The following NRG3 variants were observed in gnomAD, a reference collection of about 807,000 sequenced individuals.
NRG3 encodes neuregulin 3, also known as pro-neuregulin-3, membrane-bound isoform.
In NRG3, 31 loss-of-function variants were observed where a neutral mutation model predicts 66.9. The ratio of observed to expected loss-of-function variants is 0.46; its 90% CI spans 0.35 to 0.63. The LOEUF is 0.63. Among genes scored for constraint, NRG3 ranks in the 20% least tolerant of loss-of-function variants. The probability of loss-of-function intolerance (pLI) is 0.00; values close to 1 mark genes in which losing one functional copy is unlikely to be tolerated. For synonymous variants in NRG3, 393 were observed against 359.4 expected (o/e 1.09, Z -1.06); for missense variants, 910 against 878.9 (o/e 1.04, Z -0.45).
At chr10:82,204,813 A>G (rs1033488285) in intron 1 of NRG3, among the ~76,000 whole-genome samples, 2 of 152,190 alleles carry the variant, frequency 1.3e-5, no homozygotes, top group African/African-American at 2.4e-5. Context: ...TGAAGTGGCT[A>G]TTTAAGCTCC....
chr10:82,555,335 G>T (rs1464055969), intron 2 of NRG3, among the ~76,000 whole-genome samples: 1 of 152,118 alleles, frequency 6.6e-6, no homozygotes, highest in Non-Finnish European at 1.5e-5. Flanking sequence ...CAAAAGAGCA[G>T]AACATTGCTG....
chr10:82,934,182 G>A (rs1008710157), intron 4 of NRG3, among the ~76,000 whole-genome samples: 2 of 152,214 alleles, frequency 1.3e-5, no homozygotes, highest in African/African-American at 4.8e-5. Flanking sequence ...CTCTAAACAT[G>A]AATGGGCATG....
chr10:82,871,481 T>C (rs527535926), intron 4 of NRG3, among the ~76,000 whole-genome samples: 1 of 152,270 alleles, frequency 6.6e-6, no homozygotes, highest in South Asian at 2.1e-4. Flanking sequence ...TTATTGGAAT[T>C]GCATTAAATC....
intron 3 of NRG3, among the ~76,000 whole-genome samples, chr10:82,779,834 A>G (rs1591498811): frequency 6.6e-6 from 1 of 151,936 alleles, no homozygotes; most frequent in East Asian, 1.9e-4. Flanking sequence ...ATCAACAGTC[A>G]TCTACATTAG....
rs1241268590 is a variant in NRG3 at position 82,986,927 on chromosome 10, A to G, written c.*1322A>G. ...TTGTTGAAATAAAAATACCCAGACT[A>G]TTCAGTTCACAAGAAGCCCCCCAAA... is the stretch of plus-strand genomic sequence containing the variant. On this transcript the variant is annotated 3_prime_UTR_variant, in exon 9 of 9. Transcript: ENST00000372141. The G allele has an allele frequency of 6.6e-6, 1 of 152,236 alleles. No individual in the cohort carries two copies. Among genetic ancestry groups the G allele is most frequent in the Non-Finnish European group, 1.5e-5 (1 of 68,044 alleles). 9.4% of individuals were successfully genotyped at this position (152,236 alleles called of 1,614,324 possible).
rs148838723 is a variant in NRG3, at chr10:82,911,407, C to A, written c.1055-40062C>A. Among the ~76,000 whole-genome samples the A allele has an allele frequency of 3.3e-5, 5 of 152,112 alleles. 1 individual carries two copies. The highest frequency in any genetic ancestry group is 1.2e-4 in the African/African-American group (5 of 41,518). ...AACATAGATTCTTTCTGGAAAGTTACAAGCTATTAATTTAATTCTTTTAAT... is the reference window on the plus strand; with the variant it reads ...AACATAGATTCTTTCTGGAAAGTTAAAAGCTATTAATTTAATTCTTTTAAT... On this transcript the variant is annotated intron_variant, in intron 4 of 8. Transcript: ENST00000372141.
At chr10:82,903,546 G>A (rs769930025) in intron 4 of NRG3, among the ~76,000 whole-genome samples, 2 of 152,050 alleles carry the variant, frequency 1.3e-5, no homozygotes, top group Non-Finnish European at 2.9e-5. Context: ...GCAGCTGCGG[G>A]TGCCTGCCAT....
intron 4 of NRG3, among the ~76,000 whole-genome samples, chr10:82,909,338 T>C (rs1050827489): frequency 6.6e-6 from 1 of 152,142 alleles, no homozygotes; most frequent in Non-Finnish European, 1.5e-5. Flanking sequence ...ACAATACAGG[T>C]TGAACATCCC....
intron 2 of NRG3, among the ~76,000 whole-genome samples, chr10:82,677,811 T>C (rs2134094660): frequency 6.6e-6 from 1 of 152,300 alleles, no homozygotes; most frequent in Non-Finnish European, 1.5e-5. Context: ...GGGGGCCAAG[T>C]GGGCAACTTG....
At chr10:81,930,774 A>G (rs1021236370) in intron 1 of NRG3, among the ~76,000 whole-genome samples, 3 of 152,166 alleles carry the variant, frequency 2.0e-5, no homozygotes, top group South Asian at 2.1e-4. Flanking sequence ...AGACTGAGAC[A>G]TTATGCCAGC....
intron 3 of NRG3, among the ~76,000 whole-genome samples, chr10:82,767,373 G>C (rs954858862): frequency 2.0e-5 from 3 of 151,940 alleles, no homozygotes; most frequent in Non-Finnish European, 4.4e-5. Flanking sequence ...GGCTAAATAA[G>C]GACCATATAT....
chr10:82,243,371 A>G (rs1022472543), intron 1 of NRG3, among the ~76,000 whole-genome samples: 3 of 152,202 alleles, frequency 2.0e-5, no homozygotes, highest in African/African-American at 4.8e-5. Context: ...TGGAGAAGAC[A>G]TAATCAAAGA....
chr10:82,647,102 C>G (rs2050999396), intron 2 of NRG3, among the ~76,000 whole-genome samples: 1 of 151,848 alleles, frequency 6.6e-6, no homozygotes, highest in Non-Finnish European at 1.5e-5. Flanking sequence ...GTGCTGCACC[C>G]ATTAACTCTT....
At chr10:82,279,786 C>T (rs1676745715) in intron 1 of NRG3, among the ~76,000 whole-genome samples, 1 of 152,150 alleles carries the variant, frequency 6.6e-6, no homozygotes, top group Admixed American at 6.6e-5. Context: ...ACCTTGGCAA[C>T]ATGTTTTACA....
chr10:82,683,755 G>GTA (rs1247353116), intron 2 of NRG3, among the ~76,000 whole-genome samples: 1 of 152,172 alleles, frequency 6.6e-6, no homozygotes, highest in East Asian at 1.9e-4. Flanking sequence ...AGTAATACTT[G>GTA]TATTTTTGTG....
intron 1 of NRG3, among the ~76,000 whole-genome samples, chr10:81,977,616 AAT>A (rs1407917086): frequency 6.6e-6 from 1 of 152,162 alleles, no homozygotes; most frequent in African/African-American, 2.4e-5. Context: ...TGTTTTCCAA[AAT>A]ACTCTTTGTC....
At chr10:82,946,901 T>C (rs1161043565) in intron 4 of NRG3, among the ~76,000 whole-genome samples, 1 of 152,182 alleles carries the variant, frequency 6.6e-6, no homozygotes, top group Non-Finnish European at 1.5e-5. Context: ...ATATTCGACA[T>C]ATTCTTTGCA....
intron 3 of NRG3, among the ~76,000 whole-genome samples, chr10:82,758,370 C>T (rs1039243801): frequency 1.3e-5 from 2 of 152,000 alleles, no homozygotes; most frequent in Non-Finnish European, 2.9e-5. Context: ...ACCAGATCAG[C>T]ATCTATAGAT....
chr10:82,705,299 A>G (rs1273527649), intron 2 of NRG3, among the ~76,000 whole-genome samples: 2 of 152,170 alleles, frequency 1.3e-5, no homozygotes, highest in Non-Finnish European at 2.9e-5. Context: ...GTGGTGGCCA[A>G]GTGTCTGCTT....
Sources: allele counts gnomAD v4.1 joint callset (sites outside exome capture counted in the v4.1 genomes callset), GRCh38; gene constraint gnomAD v4.1.1; transcripts MANE v1.5; gene names NCBI Gene and HGNC (gene_info 2026-07-23, HGNC 2026-07-21).